The following COL4A5 variants were observed in gnomAD, a reference collection of about 807,000 sequenced individuals.
The protein encoded by COL4A5 is collagen alpha-5(IV) chain.
In COL4A5, 26 loss-of-function variants were observed where a neutral mutation model predicts 130.2. The ratio of observed to expected loss-of-function variants is 0.20; its 90% CI spans 0.15 to 0.28. The LOEUF (loss-of-function observed/expected upper bound fraction) is 0.28. Among genes scored for constraint, COL4A5 ranks in the 10% least tolerant of loss-of-function variants. COL4A5 has a pLI of 1.00. For missense variants in COL4A5, 1,131 were observed against 1,344.3 expected (o/e 0.84, Z 2.48); for synonymous variants, 496 against 439.6 (o/e 1.13, Z -1.60).
At chrX:108,512,092 A>G (rs1440638902) in intron 1 of COL4A5, among the ~76,000 whole-genome samples, 3 of 112,289 alleles carry the variant, frequency 2.7e-5, no homozygotes, top group African/African-American at 9.7e-5. Context: ...TTTCTCCTAA[A>G]TGGTTCAACA....
intron 1 of COL4A5, among the ~76,000 whole-genome samples, chrX:108,518,612 CAT>C (rs768507364): frequency 3.6e-5 from 4 of 110,966 alleles, no homozygotes; most frequent in East Asian, 5.6e-4. Flanking sequence ...GGGGAAAAAA[CAT>C]ATGGGATCTC....
chrX:108,548,159 C>T (rs1170445359), intron 2 of COL4A5, among the ~76,000 whole-genome samples: 1 of 111,776 alleles, frequency 8.9e-6, no homozygotes, highest in Non-Finnish European at 1.9e-5. Context: ...GAACCTGGCA[C>T]CTCAGTTGGA....
intron 2 of COL4A5, among the ~76,000 whole-genome samples, chrX:108,546,264 G>A (rs1361379886): frequency 8.9e-6 from 1 of 111,928 alleles, no homozygotes; most frequent in Non-Finnish European, 1.9e-5. Flanking sequence ...TCCTTTCCAT[G>A]TTTAGTGCTT....
intron 47 of COL4A5, among the ~76,000 whole-genome samples, chrX:108,684,712 C>T (rs1476877947): frequency 1.8e-5 from 2 of 112,433 alleles, no homozygotes; most frequent in Non-Finnish European, 3.8e-5. Context: ...GAAACTATTC[C>T]AAATGATAGA....
intron 1 of COL4A5, among the ~76,000 whole-genome samples, chrX:108,509,768 A>T (rs2065162886): frequency 8.9e-6 from 1 of 111,916 alleles, no homozygotes; most frequent in Non-Finnish European, 1.9e-5. Context: ...AGAGCTAAAA[A>T]CAGAACTACC....
intron 2 of COL4A5, among the ~76,000 whole-genome samples, chrX:108,556,201 A>G (rs936886716): frequency 8.9e-6 from 1 of 111,873 alleles, no homozygotes; most frequent in African/African-American, 3.2e-5. Context: ...TTCTTCATAT[A>G]TAAAATGGAA....
intron 1 of COL4A5, chrX:108,443,190 G>C (rs1052888638): frequency 1.1e-4 from 12 of 111,636 alleles, no homozygotes; most frequent in African/African-American, 3.9e-4. Context: ...AATAGCTTTG[G>C]GCCTAGAATA....
intron 36 of COL4A5, among the ~76,000 whole-genome samples, chrX:108,654,263 T>C (rs1171739776): frequency 8.9e-6 from 1 of 112,577 alleles, no homozygotes; most frequent in Non-Finnish European, 1.9e-5. Context: ...TTAATGCAAA[T>C]ATTCATTGAG....
intron 34 of COL4A5, among the ~76,000 whole-genome samples, chrX:108,625,268 A>T (rs1463317860): frequency 9.0e-6 from 1 of 111,558 alleles, no homozygotes; most frequent in African/African-American, 3.3e-5. Context: ...ACTAAACTAT[A>T]TCATAACAGG....
At chrX:108,455,388 CT>C (rs773787656) in intron 1 of COL4A5, among the ~76,000 whole-genome samples, 1 of 111,977 alleles carries the variant, frequency 8.9e-6, no homozygotes, top group Admixed American at 9.5e-5. Flanking sequence ...TTTTCTTGCA[CT>C]TTAAAAGTAC....
intron 1 of COL4A5, among the ~76,000 whole-genome samples, chrX:108,512,283 C>T (rs746629441): frequency 1.8e-5 from 2 of 111,665 alleles, no homozygotes; most frequent in African/African-American, 6.5e-5. Flanking sequence ...GAAGTTCCCT[C>T]CTGTCATCCT....
chrX:108,595,465 G>A (rs946702008), intron 21 of COL4A5, 44 bp from the exon 22 acceptor site: 2 of 1,113,360 alleles, frequency 1.8e-6, no homozygotes, highest in African/African-American at 1.8e-5. Flanking sequence ...GAAGGTATAT[G>A]TACCCCTTTC....
chrX:108,501,275 T>C (rs2065077292), intron 1 of COL4A5, among the ~76,000 whole-genome samples: 1 of 111,975 alleles, frequency 8.9e-6, no homozygotes, highest in Non-Finnish European at 1.9e-5. Context: ...TAATCCATAA[T>C]GCTGCTCCTT....
chrX:108,695,176 A>G lies in COL4A5; in HGVS notation c.4822-91A>G, dbSNP rs892532445. 3 of 1,105,964 alleles carry G rather than the reference A, an allele frequency of 2.7e-6. No individual in the cohort carries two copies. The African/African-American group carries it at 5.5e-5, about 20-fold the overall frequency. The allele number at this position is 1,105,964 out of a possible 1,213,427, so 91.1% of individuals were successfully genotyped here. On this transcript the variant is annotated intron_variant, in intron 51 of 52. Coordinates refer to ENST00000328300, the MANE Select transcript of COL4A5 (RefSeq NM_033380.3). ...TGGGCCTGTTCCTTCACTAGATTTG[A>G]ATTTGGCCAAGCTCAGCACACATCT...
At chrX:108,572,622 C>G (rs1453159689) in intron 8 of COL4A5, among the ~76,000 whole-genome samples, 2 of 111,681 alleles carry the variant, frequency 1.8e-5, no homozygotes, top group Non-Finnish European at 3.8e-5. Context: ...CCCACTGTTA[C>G]CACGTTAATC....
intron 2 of COL4A5, among the ~76,000 whole-genome samples, chrX:108,550,021 A>C (rs2147697620): frequency 8.9e-6 from 1 of 111,919 alleles, no homozygotes; most frequent in Admixed American, 9.5e-5. Context: ...ATATATACTA[A>C]GGAAGTTGAA....
Position 108,668,445 on chromosome X carries a change from G to A in COL4A5, c.3731G>A (p.Gly1244Asp), listed in dbSNP as rs104886261. ...QGPPGPPGSPGPALEGPKGNP... is the reference protein window; with the variant it reads ...QGPPGPPGSPDPALEGPKGNP... ...CCCCCAGGCCCTCCTGGTTCTCCGGGTCCAGCTCTGGAAGGACCTAAAGGC... is the reference window on the plus strand; with the variant it reads ...CCCCCAGGCCCTCCTGGTTCTCCGGATCCAGCTCTGGAAGGACCTAAAGGC... The change falls in exon 41 of 53, where the codon GGT becomes GAT. Residue 1244 changes from glycine to aspartate, a missense_variant. By Grantham distance (94) the Gly-to-Asp change is moderately conservative. Coordinates refer to ENST00000328300, the MANE Select transcript of COL4A5 (RefSeq NM_033380.3). 8.3e-7 allele frequency: 1 copy of A among 1,208,898 alleles called. No homozygotes were observed.
At position 108,531,127 on chromosome X, in the gene COL4A5, C is replaced by T. The variant is rs1278736021; in HGVS notation, c.82-8619C>T. ...CTCAAGGACAAAAAACCAAGCACCA[C>T]ATGTTCTCACTCATAGGTGGGAATT... is the stretch of plus-strand genomic sequence containing the variant. On this transcript the variant is annotated intron_variant, in intron 1 of 52. Transcript: ENST00000328300. Among the ~76,000 whole-genome samples the T allele has an allele frequency of 3.0e-5, 3 of 99,906 alleles. No individual in the cohort carries two copies. The Admixed American group carries it at 3.4e-4, about 11-fold the overall frequency. 86.8% of individuals were successfully genotyped at this position (99,906 alleles called of 115,157 possible).
chrX:108,474,352 T>A, intron 1 of COL4A5, among the ~76,000 whole-genome samples: 1 of 112,222 alleles, frequency 8.9e-6, no homozygotes, highest in Non-Finnish European at 1.9e-5. Flanking sequence ...TCTAGATACA[T>A]ACTTACCATT....
Sources: gnomAD v4.1 joint callset for allele counts (sites outside exome capture counted in the v4.1 genomes callset) on GRCh38, gnomAD v4.1.1 for gene constraint, MANE v1.5 for transcripts, NCBI Gene and HGNC (gene_info 2026-07-23, HGNC 2026-07-21) for gene names.